Variants in DTNB observed in about 807,000 individuals in gnomAD.
DTNB encodes the protein dystrobrevin beta, also known as DTN-B.
Under a neutral mutation model 90.7 loss-of-function variants are expected in DTNB, and 63 were observed. That is an observed-to-expected ratio of 0.69 (90% CI 0.57 to 0.86). The LOEUF (loss-of-function observed/expected upper bound fraction) is 0.86. DTNB is among the 40% of genes least tolerant of loss of function. DTNB has a pLI of 0.00. For missense variants in DTNB, 744 were observed against 807.1 expected, an observed-to-expected ratio of 0.92 and a Z score of 0.95; for synonymous variants, 277 against 286.7, an observed-to-expected ratio of 0.97 and a Z score of 0.34.
intron 9 of DTNB, among the ~76,000 whole-genome samples, chr2:25,484,854 T>C (rs542282113): frequency 1.1e-4 from 17 of 152,224 alleles, no homozygotes; most frequent in Non-Finnish European, 2.2e-4. Flanking sequence ...AGACTATTAA[T>C]GCTAGTGGCT....
At chr2:25,406,605 CA>C (rs1411629505) in intron 16 of DTNB, among the ~76,000 whole-genome samples, 1 of 151,680 alleles carries the variant, frequency 6.6e-6, no homozygotes, top group African/African-American at 2.4e-5. Flanking sequence ...CCATCTCTAC[CA>C]AAAAAACACA....
chr2:25,649,463 C>A (rs781384147), intron 2 of DTNB, among the ~76,000 whole-genome samples: 7 of 152,068 alleles, frequency 4.6e-5, no homozygotes, highest in Non-Finnish European at 7.4e-5. Context: ...ACCTGTAATC[C>A]CAGCGTTTTG....
intron 12 of DTNB, among the ~76,000 whole-genome samples, chr2:25,439,896 C>A (rs1335827729): frequency 6.6e-6 from 1 of 152,104 alleles, no homozygotes; most frequent in African/African-American, 2.4e-5. Flanking sequence ...ATGTGTAAAT[C>A]CAGCAAGTAG....
intron 8 of DTNB, among the ~76,000 whole-genome samples, chr2:25,573,222 A>G (rs1022884651): frequency 7.2e-5 from 11 of 152,180 alleles, no homozygotes; most frequent in African/African-American, 1.9e-4. Flanking sequence ...CTCGGATTAC[A>G]GGAGTGAGCC....
intron 4 of DTNB, among the ~76,000 whole-genome samples, chr2:25,615,783 G>A (rs770264046): frequency 2.0e-5 from 3 of 151,984 alleles, no homozygotes; most frequent in Non-Finnish European, 4.4e-5. Context: ...TTCACAAAAG[G>A]GTATTTCCGT....
chr2:25,460,604 G>C (rs1005132430), intron 10 of DTNB, among the ~76,000 whole-genome samples: 1 of 152,076 alleles, frequency 6.6e-6, no homozygotes, highest in African/African-American at 2.4e-5. Context: ...ACGTGCAACA[G>C]GCGTTTCAAG....
chr2:25,634,637 T>C lies in DTNB; in HGVS notation c.148+4377A>G, dbSNP rs369917906. Among the ~76,000 whole-genome samples the C allele has an allele frequency of 2.0e-4, 23 of 115,186 alleles. 3 individuals are homozygous for C. The highest frequency in any genetic ancestry group is 5.3e-4 in the East Asian group (1 of 1,870). 75.6% of individuals were successfully genotyped at this position (115,186 alleles called of 152,430 possible). A position where few individuals can be genotyped will look rare whatever the true frequency, so the allele number is the denominator to read the frequency against. On this transcript the variant is annotated intron_variant, in intron 3 of 20. Coordinates refer to ENST00000406818, the MANE Select transcript of DTNB (RefSeq NM_021907.5). Reference sequence around the variant, plus strand: ...AAAGGGGGGAAAGGTGGGGAAAAGATTGAGAGGTTGGATGGTTGCCGTGTC... The same window carrying C: ...AAAGGGGGGAAAGGTGGGGAAAAGACTGAGAGGTTGGATGGTTGCCGTGTC...
intron 4 of DTNB, among the ~76,000 whole-genome samples, chr2:25,620,133 G>A (rs1294977764): frequency 1.3e-5 from 2 of 152,170 alleles, no homozygotes; most frequent in Admixed American, 6.5e-5. Context: ...CCAGACAGAT[G>A]TGGGAGCTGA....
At chr2:25,460,424 A>C (rs979776493) in intron 10 of DTNB, among the ~76,000 whole-genome samples, 3 of 152,194 alleles carry the variant, frequency 2.0e-5, no homozygotes, top group Admixed American at 1.3e-4. Context: ...TATCAGTGTT[A>C]TAAAAAGTAT....
chr2:25,508,899 T>C (rs989647523), intron 9 of DTNB, among the ~76,000 whole-genome samples: 6 of 152,234 alleles, frequency 3.9e-5, no homozygotes, highest in African/African-American at 1.4e-4. Flanking sequence ...TTTCATTATA[T>C]GTATTCCTAC....
At chr2:25,518,036 T>C (rs2075419090) in intron 9 of DTNB, among the ~76,000 whole-genome samples, 1 of 151,978 alleles carries the variant, frequency 6.6e-6, no homozygotes, top group Non-Finnish European at 1.5e-5. Context: ...AAACATAAAG[T>C]AGAACGGTGG....
chr2:25,508,704 T>G (rs950210995), intron 9 of DTNB, among the ~76,000 whole-genome samples: 5 of 152,060 alleles, frequency 3.3e-5, no homozygotes, highest in African/African-American at 1.2e-4. Context: ...CGGGCTAATT[T>G]TTTATTTTTA....
chr2:25,574,643 G>C (rs1252525012), intron 8 of DTNB, among the ~76,000 whole-genome samples: 2 of 152,132 alleles, frequency 1.3e-5, no homozygotes, highest in Non-Finnish European at 2.9e-5. Flanking sequence ...CTATTAAATT[G>C]ATAGCACATC....
At chr2:25,562,364 T>C (rs2058395539) in intron 8 of DTNB, among the ~76,000 whole-genome samples, 1 of 152,252 alleles carries the variant, frequency 6.6e-6, no homozygotes, top group Non-Finnish European at 1.5e-5. Context: ...ACTTTTTAGC[T>C]CTTTGGAATA....
At chr2:25,536,381 G>A (rs1005653911) in intron 8 of DTNB, among the ~76,000 whole-genome samples, 1 of 152,170 alleles carries the variant, frequency 6.6e-6, no homozygotes, top group Non-Finnish European at 1.5e-5. Flanking sequence ...GTAGCGAGCC[G>A]AGATCACGCC....
intron 9 of DTNB, among the ~76,000 whole-genome samples, chr2:25,518,386 T>C (rs1376502509): frequency 1.3e-5 from 2 of 152,266 alleles, no homozygotes; most frequent in African/African-American, 4.8e-5. Flanking sequence ...ATCACCCTCC[T>C]TGGACTAAAG....
At position 25,378,627 on chromosome 2, in the gene DTNB, A is replaced by G. The variant is rs1334393429; in HGVS notation, c.*29+663T>C. Among the ~76,000 whole-genome samples the G allele has an allele frequency of 2.6e-5, 4 of 152,192 alleles. No individual in the cohort carries two copies. In the East Asian group the frequency reaches 7.7e-4, roughly 29 times the overall value. On this transcript the variant is annotated intron_variant, in intron 20 of 20. Coordinates refer to ENST00000406818, the MANE Select transcript of DTNB (RefSeq NM_021907.5). ...CAAGATTTTAAAATGGAGAAGTCTGATATCTTGGTGCTGGGACTAGAAAGA... is the reference window on the plus strand; with the variant it reads ...CAAGATTTTAAAATGGAGAAGTCTGGTATCTTGGTGCTGGGACTAGAAAGA...
At chr2:25,444,901 C>T (rs923888026) in intron 12 of DTNB, among the ~76,000 whole-genome samples, 1 of 152,200 alleles carries the variant, frequency 6.6e-6, no homozygotes. Context: ...AAGAATCCTT[C>T]CTGAGTGGCT....
chr2:25,586,199 T>C (rs1020106341), intron 6 of DTNB, among the ~76,000 whole-genome samples: 4 of 152,144 alleles, frequency 2.6e-5, no homozygotes, highest in Admixed American at 1.3e-4. Flanking sequence ...CATGTCATAC[T>C]TAACTTAAAA....
Sources: gnomAD v4.1 joint callset for allele counts (sites outside exome capture counted in the v4.1 genomes callset) on GRCh38, gnomAD v4.1.1 for gene constraint, MANE v1.5 for transcripts, NCBI Gene and HGNC (gene_info 2026-07-23, HGNC 2026-07-21) for gene names.